Variants in GRM8 observed in about 807,000 individuals in gnomAD.
The protein encoded by GRM8 is metabotropic glutamate receptor 8.
In GRM8, 47 loss-of-function variants were observed where a neutral mutation model predicts 87.2. The observed-to-expected ratio is 0.54, with a 90% confidence interval of 0.43 to 0.69. The LOEUF is 0.69. Ranked by LOEUF, GRM8 falls within the 30% of genes least tolerant of loss-of-function variation. The pLI, the probability that GRM8 is intolerant of heterozygous loss-of-function variation, is 0.00. For missense variants in GRM8, 1,019 were observed against 1,139.2 expected, an observed-to-expected ratio of 0.89 and a Z score of 1.52; for synonymous variants, 396 against 404.5, an observed-to-expected ratio of 0.98 and a Z score of 0.25.
chr7:126,951,610 C>T (rs1204568), intron 3 of GRM8, among the ~76,000 whole-genome samples: 116,338 of 151,984 alleles, frequency 0.77, 44,863 homozygotes, highest in East Asian at 0.97. Context: ...AAGACAAATA[C>T]AAATGCATAA....
At chr7:127,202,941 G>T (rs1795692556) in intron 2 of GRM8, among the ~76,000 whole-genome samples, 1 of 152,178 alleles carries the variant, frequency 6.6e-6, no homozygotes, top group Non-Finnish European at 1.5e-5. Context: ...TTTTTAGCTT[G>T]ATAAAGCCAG....
At chr7:126,538,248 T>G (rs990492602) in intron 8 of GRM8, among the ~76,000 whole-genome samples, 2 of 152,240 alleles carry the variant, frequency 1.3e-5, no homozygotes, top group Non-Finnish European at 2.9e-5. Context: ...GCTTACATTT[T>G]TAAATTTTCA....
At chr7:127,017,396 C>T (rs1402221526) in intron 3 of GRM8, among the ~76,000 whole-genome samples, 1 of 151,942 alleles carries the variant, frequency 6.6e-6, no homozygotes, top group African/African-American at 2.4e-5. Context: ...CCCACATGTA[C>T]CAGCACCCAC....
intron 2 of GRM8, among the ~76,000 whole-genome samples, chr7:127,140,472 G>T (rs1205481065): frequency 6.6e-6 from 1 of 152,130 alleles, no homozygotes; most frequent in Admixed American, 6.5e-5. Context: ...CTATTTAAAA[G>T]ATATTTCACA....
chr7:126,792,454 T>C (rs1275467822), intron 6 of GRM8, among the ~76,000 whole-genome samples: 1 of 152,194 alleles, frequency 6.6e-6, no homozygotes, highest in Non-Finnish European at 1.5e-5. Context: ...CCCAACAGTC[T>C]ATACTCTTAA....
intron 3 of GRM8, among the ~76,000 whole-genome samples, chr7:127,047,967 A>C (rs1370197925): frequency 6.6e-6 from 1 of 152,242 alleles, no homozygotes; most frequent in African/African-American, 2.4e-5. Flanking sequence ...GTTACTTTAA[A>C]ATTCATTTGC....
chr7:126,693,880 T>TGAG (rs2151378405), intron 7 of GRM8, among the ~76,000 whole-genome samples: 1 of 152,252 alleles, frequency 6.6e-6, no homozygotes, highest in African/African-American at 2.4e-5. Context: ...TTTCATTTAT[T>TGAG]ACATCTAAGT....
chr7:126,720,469 G>C (rs1487410821), intron 7 of GRM8, among the ~76,000 whole-genome samples: 1 of 152,088 alleles, frequency 6.6e-6, no homozygotes. Flanking sequence ...TATTAGAGCA[G>C]TCATCATTCT....
At chr7:127,213,383 T>C (rs1399447505) in intron 2 of GRM8, among the ~76,000 whole-genome samples, 1 of 152,210 alleles carries the variant, frequency 6.6e-6, no homozygotes, top group Admixed American at 6.5e-5. Flanking sequence ...TAGTATGACA[T>C]ATGTAAAATA....
At position 126,693,299 on chromosome 7, in the gene GRM8, G is replaced by C. The variant is rs151176690; in HGVS notation, c.1357+76566C>G. On this transcript the variant is annotated intron_variant, in intron 7 of 10. Coordinates refer to ENST00000339582, the MANE Select transcript of GRM8 (RefSeq NM_000845.3). ...TCTTTTATTAGAAATGCTTTTTTCTGATTATGAAAATAATAAATGCTCCTT... is the reference window on the plus strand; with the variant it reads ...TCTTTTATTAGAAATGCTTTTTTCTCATTATGAAAATAATAAATGCTCCTT... Among the ~76,000 whole-genome samples the C allele has an allele frequency of 8.5e-4, 129 of 152,086 alleles. 1 individual carries two copies. The highest frequency in any genetic ancestry group is 3.0e-3 in the African/African-American group (125 of 41,508).
chr7:126,830,335 T>C (rs1415171302), intron 6 of GRM8, among the ~76,000 whole-genome samples: 17 of 152,234 alleles, frequency 1.1e-4, no homozygotes, highest in Admixed American at 1.1e-3. Context: ...CACTTTCAGG[T>C]CCACCAATCA....
intron 3 of GRM8, 144 bp downstream of exon 3, chr7:127,106,352 C>T (rs1431685878): frequency 4.7e-6 from 3 of 644,720 alleles, no homozygotes; most frequent in Non-Finnish European, 8.2e-6. Context: ...ATAATAAACC[C>T]AGCTTCCCTC....
At chr7:127,144,918 T>A (rs926888912) in intron 2 of GRM8, among the ~76,000 whole-genome samples, 1 of 152,126 alleles carries the variant, frequency 6.6e-6, no homozygotes, top group Non-Finnish European at 1.5e-5. Flanking sequence ...TACACAGTTC[T>A]AGCAGAAAAA....
At chr7:126,912,021 C>A (rs552410039) in intron 3 of GRM8, among the ~76,000 whole-genome samples, 140 of 152,020 alleles carry the variant, frequency 9.2e-4, no homozygotes, top group Non-Finnish European at 1.4e-3. Context: ...AGCGAAACCC[C>A]GTCTCTACTA....
intron 3 of GRM8, among the ~76,000 whole-genome samples, chr7:127,032,099 C>T (rs761892533): frequency 6.6e-6 from 1 of 151,998 alleles, no homozygotes; most frequent in Non-Finnish European, 1.5e-5. Flanking sequence ...CCTATCACAC[C>T]ATCATGTCCA....
chr7:126,543,227 G>C (rs1816744699), intron 8 of GRM8, among the ~76,000 whole-genome samples: 1 of 152,072 alleles, frequency 6.6e-6, no homozygotes, highest in Admixed American at 6.6e-5. Context: ...TAAAAAGTGG[G>C]CTTTAAATTT....
At chr7:126,751,578 C>A (rs1001792465) in intron 7 of GRM8, among the ~76,000 whole-genome samples, 1 of 152,144 alleles carries the variant, frequency 6.6e-6, no homozygotes, top group African/African-American at 2.4e-5. Context: ...CCTTCCTTGG[C>A]TTAGCCAATC....
At chr7:126,645,559 A>T (rs1226845528) in intron 7 of GRM8, among the ~76,000 whole-genome samples, 1 of 152,238 alleles carries the variant, frequency 6.6e-6, no homozygotes, top group Non-Finnish European at 1.5e-5. Flanking sequence ...GTTCTCCCAC[A>T]TGGGCTGAAC....
intron 3 of GRM8, among the ~76,000 whole-genome samples, chr7:127,077,876 C>T (rs138597992): frequency 1.1e-4 from 17 of 152,182 alleles, no homozygotes; most frequent in Middle Eastern, 3.4e-3. Flanking sequence ...ATTTTGTTCA[C>T]GGGGGAACAT....
Sources: gnomAD v4.1 joint callset for allele counts (sites outside exome capture counted in the v4.1 genomes callset) on GRCh38, gnomAD v4.1.1 for gene constraint, MANE v1.5 for transcripts, NCBI Gene and HGNC (gene_info 2026-07-23, HGNC 2026-07-21) for gene names.